BMERB1: variants seen among roughly 807,000 people sequenced by gnomAD.
BMERB1 encodes bMERB domain-containing protein 1.
A neutral mutation model predicts 23.6 loss-of-function variants in BMERB1; 12 were observed. That is an observed-to-expected ratio of 0.51 (90% CI 0.33 to 0.82). BMERB1 has a LOEUF of 0.82. Among genes scored for constraint, BMERB1 ranks in the 40% least tolerant of loss-of-function variants. The pLI, the probability that BMERB1 is intolerant of heterozygous loss-of-function variation, is 0.03. For missense variants in BMERB1, 247 were observed against 255.4 expected (o/e 0.97, Z 0.22); for synonymous variants, 122 against 96.6 (o/e 1.26, Z -1.54).
chr16:15,474,378 AT>A (rs1488513258), intron 1 of BMERB1, among the ~76,000 whole-genome samples: 6 of 151,956 alleles, frequency 3.9e-5, no homozygotes, highest in African/African-American at 1.5e-4. Context: ...TTATTTATTT[AT>A]TTTGAGACAG....
chr16:15,567,888 C>A, intron 2 of BMERB1, 95 bp from the exon 3 acceptor site: 2 of 1,169,770 alleles, frequency 1.7e-6, no homozygotes, highest in Non-Finnish European at 2.4e-6. Context: ...AAAAGATAAC[C>A]CACCTTTAAT....
intron 1 of BMERB1, among the ~76,000 whole-genome samples, chr16:15,438,287 A>T (rs562171363): frequency 6.6e-6 from 1 of 151,442 alleles, no homozygotes; most frequent in African/African-American, 2.4e-5. Context: ...GGTTTTCACT[A>T]TGTTGGCCAG....
At chr16:15,434,946 G>C (rs2050875380) in intron 1 of BMERB1, among the ~76,000 whole-genome samples, 187 bp downstream of exon 1, 1 of 152,260 alleles carries the variant, frequency 6.6e-6, no homozygotes, top group Admixed American at 6.5e-5. Flanking sequence ...CAAAAGGGGG[G>C]GACCCTCCGG....
intron 2 of BMERB1, among the ~76,000 whole-genome samples, chr16:15,517,343 T>C (rs1393035862): frequency 1.3e-5 from 2 of 152,256 alleles, no homozygotes; most frequent in African/African-American, 4.8e-5. Flanking sequence ...AACCCGTCTC[T>C]AGTAAAAATA....
intron 2 of BMERB1, among the ~76,000 whole-genome samples, chr16:15,516,650 G>A (rs2051763009): frequency 7.9e-6 from 1 of 127,010 alleles, no homozygotes; most frequent in South Asian, 2.6e-4. Context: ...TTTTAGGCAG[G>A]CTAGGCCCCT....
intron 1 of BMERB1, among the ~76,000 whole-genome samples, chr16:15,482,341 TAAACAGG>T (rs936254031): frequency 6.6e-6 from 1 of 152,178 alleles, no homozygotes; most frequent in African/African-American, 2.4e-5. Flanking sequence ...GTCAGTGTCC[TAAACAGG>T]AAGCCATGAG....
chr16:15,585,476 C>A lies in BMERB1; in HGVS notation c.503-1241C>A, dbSNP rs370397641. ...CTGCTCAGTAGGGATTCTTCTGGAT[C>A]CCATGGTATACAGTATTCTCACAGA... is the stretch of plus-strand genomic sequence containing the variant. On this transcript the variant is annotated intron_variant, in intron 5 of 5. Transcript: ENST00000300006. Among the ~76,000 whole-genome samples the A allele has an allele frequency of 2.6e-5, 4 of 152,202 alleles. No homozygotes were observed. The South Asian group carries it at 8.3e-4, about 32-fold the overall frequency.
intron 1 of BMERB1, among the ~76,000 whole-genome samples, chr16:15,441,775 G>A (rs1407025027): frequency 1.3e-5 from 2 of 152,124 alleles, no homozygotes; most frequent in South Asian, 4.1e-4. Context: ...GCCTGTCTCA[G>A]CCTCCCAAAG....
At chr16:15,549,725 G>A (rs553688124) in intron 2 of BMERB1, among the ~76,000 whole-genome samples, 22 of 151,774 alleles carry the variant, frequency 1.4e-4, no homozygotes, top group Non-Finnish European at 2.2e-4. Flanking sequence ...GGGCCAGCCA[G>A]TTGGTCACAT....
At chr16:15,579,087 A>G (rs1432835357) in intron 3 of BMERB1, among the ~76,000 whole-genome samples, 1 of 135,520 alleles carries the variant, frequency 7.4e-6, no homozygotes, top group Non-Finnish European at 1.5e-5. Context: ...GCTTGGAGAC[A>G]GAGGTTTGCA....
At chr16:15,562,921 C>G (rs2150970361) in intron 2 of BMERB1, among the ~76,000 whole-genome samples, 1 of 152,332 alleles carries the variant, frequency 6.6e-6, no homozygotes, top group African/African-American at 2.4e-5. Context: ...GAGATGCAGG[C>G]TGAAGCAAGG....
intron 2 of BMERB1, among the ~76,000 whole-genome samples, chr16:15,563,011 A>G (rs2030466051): frequency 6.6e-6 from 1 of 152,208 alleles, no homozygotes; most frequent in South Asian, 2.1e-4. Context: ...GCAAAAGGCA[A>G]GGGGTCCTGC....
intron 1 of BMERB1, among the ~76,000 whole-genome samples, chr16:15,441,639 A>G (rs772876985): frequency 6.6e-6 from 1 of 152,050 alleles, no homozygotes; most frequent in Non-Finnish European, 1.5e-5. Context: ...CAGCCTCCCA[A>G]AATGCTGGGA....
chr16:15,579,334 A>G (rs1326038513), intron 3 of BMERB1, among the ~76,000 whole-genome samples: 1 of 152,134 alleles, frequency 6.6e-6, no homozygotes, highest in Non-Finnish European at 1.5e-5. Context: ...CCAACCCACA[A>G]GATTTACCAC....
At chr16:15,574,792 T>C (rs1451755147) in intron 3 of BMERB1, among the ~76,000 whole-genome samples, 1 of 152,040 alleles carries the variant, frequency 6.6e-6, no homozygotes, top group Non-Finnish European at 1.5e-5. Flanking sequence ...AAATCGGGGG[T>C]CAAGGCCAGG....
In BMERB1 at chr16:15,543,659, A is replaced by G. The variant is rs185808965; in HGVS notation, c.231-24324A>G. ...AACATCACAAGAACTCCTCTCTACA[A>G]AAAATTTTGAAATGAGCTGGGCATG... On this transcript the variant is annotated intron_variant, in intron 2 of 5. Coordinates refer to ENST00000300006, the MANE Select transcript of BMERB1 (RefSeq NM_033201.3). Among the ~76,000 whole-genome samples, 117 of 147,742 alleles carry G rather than the reference A, an allele frequency of 7.9e-4. 2 individuals are homozygous for G. In the South Asian group the frequency reaches 8.3e-3, roughly 10 times the overall value.
In BMERB1 at chr16:15,586,823, C is replaced by T. The variant is rs370378624; in HGVS notation, c.609C>T (p.Ile203=). ...KDCCGATQCN[I]M is the part of the protein sequence containing the mutation. ...GTTGCGGGGCCACCCAGTGCAACATCATGTAGCCCCCACGTGGGGTGCCCT... is the reference window on the plus strand; with the variant it reads ...GTTGCGGGGCCACCCAGTGCAACATTATGTAGCCCCCACGTGGGGTGCCCT... Residue 203 remains isoleucine, a synonymous_variant, in exon 6 of 6, where the codon ATC becomes ATT. Transcript: ENST00000300006. 7 of 1,601,716 alleles carry T rather than the reference C, an allele frequency of 4.4e-6. No individual in the cohort carries two copies. The highest frequency in any genetic ancestry group is 2.7e-5 in the African/African-American group (2 of 74,712).
intron 2 of BMERB1, among the ~76,000 whole-genome samples, chr16:15,543,952 A>G (rs958956944): frequency 3.9e-5 from 6 of 152,218 alleles, no homozygotes; most frequent in African/African-American, 1.4e-4. Context: ...TCCATGTCAT[A>G]CTGAGGCACT....
At chr16:15,465,099 T>C (rs993959855) in intron 1 of BMERB1, among the ~76,000 whole-genome samples, 1 of 151,880 alleles carries the variant, frequency 6.6e-6, no homozygotes, top group African/African-American at 2.4e-5. Flanking sequence ...TGTGATAAAA[T>C]TGCACAGAAC....
Sources: gnomAD v4.1 joint callset for allele counts (sites outside exome capture counted in the v4.1 genomes callset) on GRCh38, gnomAD v4.1.1 for gene constraint, MANE v1.5 for transcripts, NCBI Gene and HGNC (gene_info 2026-07-23, HGNC 2026-07-21) for gene names.